CTSS: variants seen among roughly 807,000 people sequenced by gnomAD.
The protein encoded by CTSS is cathepsin S.
In CTSS, 15 loss-of-function variants were observed where a neutral mutation model predicts 39.9. That is an observed-to-expected ratio of 0.38 (90% confidence interval 0.25 to 0.58). The LOEUF (loss-of-function observed/expected upper bound fraction) is 0.58. Among genes scored for constraint, CTSS ranks in the 20% least tolerant of loss-of-function variants. The pLI is 0.70. For missense variants in CTSS, 250 were observed against 398.2 expected, an observed-to-expected ratio of 0.63 and a Z score of 3.17; for synonymous variants, 126 against 138.2, an observed-to-expected ratio of 0.91 and a Z score of 0.62.
intron 6 of CTSS, 157 bp from the exon 7 acceptor site, chr1:150,748,036 A>T: frequency 1.8e-6 from 1 of 548,276 alleles, no homozygotes; most frequent in East Asian, 3.3e-5. Flanking sequence ...TCATGCCTGT[A>T]ATCCCAGAAG....
chr1:150,765,138 C>G (rs889921937), intron 1 of CTSS, among the ~76,000 whole-genome samples: 5 of 151,756 alleles, frequency 3.3e-5, no homozygotes, highest in African/African-American at 1.2e-4. Flanking sequence ...AGAGACAAAC[C>G]TCTGAAAAAT....
chr1:150,765,103 A>ATCTC (rs1653344554), intron 1 of CTSS, among the ~76,000 whole-genome samples: 1 of 126,886 alleles, frequency 7.9e-6, no homozygotes. Flanking sequence ...CTCTCTCTCA[A>ATCTC]AAAAAAAAAA....
chr1:150,742,675 T>C (rs587708831), intron 7 of CTSS, among the ~76,000 whole-genome samples: 83 of 152,088 alleles, frequency 5.5e-4, no homozygotes, highest in African/African-American at 2.0e-3. Flanking sequence ...AGCAGGGCCA[T>C]TGGGAATGGC....
At chr1:150,746,837 C>A (rs1652905128) in intron 7 of CTSS, among the ~76,000 whole-genome samples, 1 of 152,090 alleles carries the variant, frequency 6.6e-6, no homozygotes, top group South Asian at 2.1e-4. Context: ...GTGAGGCTGG[C>A]AAGGCAGGGA....
At chr1:150,743,084 GTGAGTTTGCTTTGATATAGA>G (rs1483532393) in intron 7 of CTSS, among the ~76,000 whole-genome samples, 4 of 152,102 alleles carry the variant, frequency 2.6e-5, no homozygotes, top group Admixed American at 2.6e-4. Flanking sequence ...GAAGGAGCAG[GTGAGTTTGCTTTGATATAGA>G]TGAGTTTGCT....
chr1:150,755,658 T>C (rs587731607), intron 3 of CTSS, among the ~76,000 whole-genome samples: 1 of 152,176 alleles, frequency 6.6e-6, no homozygotes, highest in Admixed American at 6.6e-5. Flanking sequence ...GAGAATCACT[T>C]GAGCCTGGGA....
At chr1:150,764,508 G>T in intron 2 of CTSS, 130 bp downstream of exon 2, 2 of 1,257,366 alleles carry the variant, frequency 1.6e-6, no homozygotes, top group South Asian at 2.7e-5. Flanking sequence ...AAAGGGCTAG[G>T]ATTACAGGCG....
chr1:150,764,854 G>A, intron 1 of CTSS, 90 bp from the exon 2 acceptor site: 1 of 1,451,248 alleles, frequency 6.9e-7, no homozygotes, highest in Middle Eastern at 1.8e-4. Context: ...ACAATGCAAA[G>A]TCTATCAAAG....
At chr1:150,754,971 G>A in intron 4 of CTSS, 30 bp downstream of exon 4, 2 of 1,601,050 alleles carry the variant, frequency 1.2e-6, no homozygotes, top group Non-Finnish European at 1.7e-6. Context: ...CTCTACCTAG[G>A]GTTCAGAGGC....
chr1:150,752,919 T>G (rs1278573422), intron 4 of CTSS, among the ~76,000 whole-genome samples: 2 of 152,208 alleles, frequency 1.3e-5, no homozygotes, highest in African/African-American at 4.8e-5. Flanking sequence ...AGTGGTGTGA[T>G]CATGGCTCAC....
At chr1:150,763,291 G>A (rs951978769) in intron 2 of CTSS, among the ~76,000 whole-genome samples, 2 of 152,062 alleles carry the variant, frequency 1.3e-5, no homozygotes, top group African/African-American at 4.8e-5. Context: ...CTGGGCGGAG[G>A]GTAGACAGGG....
chr1:150,764,348 T>C (rs1653321851), intron 2 of CTSS, among the ~76,000 whole-genome samples: 1 of 152,052 alleles, frequency 6.6e-6, no homozygotes, highest in South Asian at 2.1e-4. Context: ...AGTGATTCTC[T>C]TGCCTCAGCC....
intron 2 of CTSS, among the ~76,000 whole-genome samples, 177 bp from the exon 3 acceptor site, chr1:150,758,157 C>A (rs1418662109): frequency 6.6e-6 from 1 of 151,794 alleles, no homozygotes; most frequent in Non-Finnish European, 1.5e-5. Context: ...TCAAGTGATT[C>A]TCCTGCTTCA....
chr1:150,759,415 G>A (rs781309196), intron 2 of CTSS, among the ~76,000 whole-genome samples: 12 of 151,768 alleles, frequency 7.9e-5, no homozygotes, highest in South Asian at 2.1e-4. Flanking sequence ...TCTTACTTGC[G>A]TTTTCATATA....
chr1:150,764,734 C>T lies in CTSS; in HGVS notation c.30G>A (p.Val10=). 6.2e-7 allele frequency: 1 copy of T among 1,614,016 alleles called. No individual in the cohort carries two copies. The highest frequency in any genetic ancestry group is 8.5e-7 in the Non-Finnish European group (1 of 1,179,956). The change falls in exon 2 of 8, where the codon GTG becomes GTA. Residue 10 remains valine (V), a synonymous_variant. Coordinates refer to ENST00000368985, the MANE Select transcript of CTSS (RefSeq NM_004079.5). MKRLVCVLL[V]CSSAVAQLHK... ...GCAACTGTGCCACTGCAGAGGAGCA[C>T]ACCAAGAGCACACAAACCAGCCGTT...
At chr1:150,763,579 A>C (rs1399632482) in intron 2 of CTSS, among the ~76,000 whole-genome samples, 1 of 152,090 alleles carries the variant, frequency 6.6e-6, no homozygotes, top group Non-Finnish European at 1.5e-5. Context: ...TTATTATTTA[A>C]TTATAAATAA....
At chr1:150,764,479 C>A (rs928626355) in intron 2 of CTSS, among the ~76,000 whole-genome samples, 159 bp downstream of exon 2, 5 of 152,158 alleles carry the variant, frequency 3.3e-5, no homozygotes, top group Admixed American at 3.3e-4. Context: ...CTCAGGTGAT[C>A]CGCTCACCTT....
intron 7 of CTSS, among the ~76,000 whole-genome samples, chr1:150,742,805 T>A (rs1026333205): frequency 2.0e-5 from 3 of 152,136 alleles, no homozygotes; most frequent in Middle Eastern, 3.2e-3. Context: ...AAGATGGTAA[T>A]ATATTACCCA....
intron 7 of CTSS, among the ~76,000 whole-genome samples, chr1:150,734,488 A>T (rs1316216584): frequency 6.6e-6 from 1 of 152,042 alleles, no homozygotes; most frequent in Non-Finnish European, 1.5e-5. Context: ...TAAAAATACA[A>T]AAACTAGCTG....
Sources: allele counts gnomAD v4.1 joint callset (sites outside exome capture counted in the v4.1 genomes callset), GRCh38; gene constraint gnomAD v4.1.1; transcripts MANE v1.5; gene names NCBI Gene and HGNC (gene_info 2026-07-23, HGNC 2026-07-21).